TUSC3: variants seen among roughly 807,000 people sequenced by gnomAD.
The protein encoded by TUSC3 is dolichyl-diphosphooligosaccharide--protein glycosyltransferase subunit TUSC3.
In TUSC3, 45 loss-of-function variants were observed where a neutral mutation model predicts 44.8. That is an observed-to-expected ratio of 1.00 (90% CI 0.79 to 1.29). The LOEUF (loss-of-function observed/expected upper bound fraction) is 1.29. Among genes scored for constraint, TUSC3 ranks in the 50% most tolerant of loss-of-function variants. The pLI is 0.00. For synonymous variants in TUSC3, 212 were observed against 152.9 expected, an observed-to-expected ratio of 1.39 and a Z score of -2.85; for missense variants, 519 against 437.9, an observed-to-expected ratio of 1.19 and a Z score of -1.65.
intron 9 of TUSC3, among the ~76,000 whole-genome samples, chr8:15,753,749 A>T (rs973034507): frequency 9.9e-5 from 15 of 152,162 alleles, no homozygotes; most frequent in African/African-American, 3.6e-4. Flanking sequence ...AATGTGACTA[A>T]AAGACTGCAG....
intron 1 of TUSC3, among the ~76,000 whole-genome samples, chr8:15,446,421 A>C (rs1042350387): frequency 6.6e-6 from 1 of 151,882 alleles, no homozygotes; most frequent in Non-Finnish European, 1.5e-5. Context: ...ACGCCACTGC[A>C]CTCCAGCCTG....
chr8:15,493,381 C>T (rs1478507591), intron 2 of TUSC3, among the ~76,000 whole-genome samples: 1 of 152,088 alleles, frequency 6.6e-6, no homozygotes, highest in Non-Finnish European at 1.5e-5. Flanking sequence ...CTGCCACAGC[C>T]TCCTGAGTAG....
chr8:15,536,681 C>CA (rs570573410), upstream of TUSC3, among the ~76,000 whole-genome samples: 343 of 45,590 alleles, frequency 7.5e-3, 53 homozygotes, highest in Non-Finnish European at 0.01. Context: ...GATTCCGTCT[C>CA]AAAAAAAAAA....
chr8:15,423,988 TTTTTTTTTTTTTTTTTTTTG>T (rs1382084050), intron 1 of TUSC3, among the ~76,000 whole-genome samples: 1 of 109,632 alleles, frequency 9.1e-6, no homozygotes, highest in East Asian at 2.8e-4. Context: ...TTTTTTTTTT[TTTTTTTTTTTTTTTTTTTTG>T]AGAAGGAGTT....
At chr8:15,802,375 A>G in the TUSC3 span, among the ~76,000 whole-genome samples, 1 of 152,220 alleles carries the variant, frequency 6.6e-6, no homozygotes, top group Non-Finnish European at 1.5e-5. Context: ...TACTCCTCAA[A>G]GATTAATTAT....
chr8:15,833,542 A>G, the TUSC3 span, among the ~76,000 whole-genome samples: 9 of 152,278 alleles, frequency 5.9e-5, 1 homozygote, highest in East Asian at 7.7e-4. Flanking sequence ...ATGCAGGAAG[A>G]TGGACGGAGC....
At chr8:15,508,432 G>C (rs1164488623) in intron 2 of TUSC3, among the ~76,000 whole-genome samples, 1 of 148,894 alleles carries the variant, frequency 6.7e-6, no homozygotes, top group Admixed American at 6.7e-5. Context: ...AGGTAACTTT[G>C]AGGTAGTTTA....
In TUSC3 at chr8:15,420,108, CT is replaced by C. The variant is rs532598204; in HGVS notation, n.91+2806del. Among the ~76,000 whole-genome samples, 244 of 152,194 alleles carry C rather than the reference CT, an allele frequency of 1.6e-3. 1 individual carries two copies. The highest frequency in any genetic ancestry group is 5.5e-3 in the African/African-American group (229 of 41,520). On this transcript the variant is annotated intron_variant and non_coding_transcript_variant, in intron 1 of 5. Transcript: ENST00000503191. Reference sequence around the variant, plus strand: ...CTATAACAAAGCTTATGCATACACACTTTATGGAGTATTGTGGTGGCCTTTG... The same window carrying C: ...CTATAACAAAGCTTATGCATACACACTTATGGAGTATTGTGGTGGCCTTTG...
chr8:15,821,966 C>T, the TUSC3 span, among the ~76,000 whole-genome samples: 21,395 of 152,070 alleles, frequency 0.14, 1,668 homozygotes, highest in East Asian at 0.25. Flanking sequence ...CGTTGCACAT[C>T]TCCAGGTAAA....
At chr8:15,471,744 A>C (rs1330186863) in intron 1 of TUSC3, among the ~76,000 whole-genome samples, 1 of 151,848 alleles carries the variant, frequency 6.6e-6, no homozygotes, top group African/African-American at 2.4e-5. Context: ...CACCCTCCCA[A>C]GTAGCTGGGA....
intron 2 of TUSC3, among the ~76,000 whole-genome samples, chr8:15,517,518 G>C (rs1398883581): frequency 2.1e-5 from 2 of 93,268 alleles, no homozygotes; most frequent in Non-Finnish European, 3.8e-5. Flanking sequence ...CATTTAGCGT[G>C]AGGCAAAAAA....
chr8:15,700,985 T>C (rs1809378340), intron 6 of TUSC3, among the ~76,000 whole-genome samples: 1 of 151,804 alleles, frequency 6.6e-6, no homozygotes, highest in Non-Finnish European at 1.5e-5. Context: ...CTTTCTTCTC[T>C]CTACCTTTCA....
intron 6 of TUSC3, among the ~76,000 whole-genome samples, chr8:15,710,010 C>G (rs1018534213): frequency 6.6e-6 from 1 of 151,820 alleles, no homozygotes; most frequent in African/African-American, 2.4e-5. Context: ...ATTCCAGGAT[C>G]CCTCCAAATG....
At chr8:15,430,638 G>T (rs1799862007) in intron 1 of TUSC3, among the ~76,000 whole-genome samples, 1 of 151,420 alleles carries the variant, frequency 6.6e-6, no homozygotes, top group Admixed American at 6.6e-5. Context: ...GGGCAATCAG[G>T]CAGGAGAAGG....
At chr8:15,758,018 T>C in intron 10 of TUSC3, 163 bp downstream of exon 10, 1 of 1,425,248 alleles carries the variant, frequency 7.0e-7, no homozygotes, top group Non-Finnish European at 9.1e-7. Context: ...TTATTATGTT[T>C]ATCTGCCACA....
At chr8:15,809,923 T>A in the TUSC3 span, among the ~76,000 whole-genome samples, 1 of 152,236 alleles carries the variant, frequency 6.6e-6, no homozygotes, top group East Asian at 1.9e-4. Flanking sequence ...CTAATATGCA[T>A]ACAAATTACC....
At chr8:15,752,374 G>A (rs116062650) in intron 9 of TUSC3, among the ~76,000 whole-genome samples, 219 of 146,988 alleles carry the variant, frequency 1.5e-3, no homozygotes, top group African/African-American at 5.0e-3. Flanking sequence ...AACGTTTCTG[G>A]TTTAAAATAC....
At chr8:15,644,425 G>A (rs554100291) in intron 2 of TUSC3, among the ~76,000 whole-genome samples, 1 of 152,338 alleles carries the variant, frequency 6.6e-6, no homozygotes, top group Admixed American at 6.5e-5. Context: ...AGTCATTTTA[G>A]TTAAGTGCTT....
intron 2 of TUSC3, among the ~76,000 whole-genome samples, chr8:15,634,752 C>T (rs1805986912): frequency 6.6e-6 from 1 of 152,184 alleles, no homozygotes; most frequent in South Asian, 2.1e-4. Context: ...TTTTTGCTTA[C>T]CCTCATAAAA....
Sources: gnomAD v4.1 joint callset for allele counts (sites outside exome capture counted in the v4.1 genomes callset) on GRCh38, gnomAD v4.1.1 for gene constraint, MANE v1.5 for transcripts, NCBI Gene and HGNC (gene_info 2026-07-23, HGNC 2026-07-21) for gene names.